The following SYNPO2L variants were observed in gnomAD, a reference collection of about 807,000 sequenced individuals.
SYNPO2L encodes the protein synaptopodin 2-like protein.
Under a neutral mutation model 47.5 loss-of-function variants are expected in SYNPO2L, and 34 were observed. The ratio of observed to expected loss-of-function variants is 0.72; its 90% confidence interval spans 0.54 to 0.95. The LOEUF is 0.95. Ranked by LOEUF, SYNPO2L falls within the 40% of genes least tolerant of loss-of-function variation. The pLI is 0.00. For synonymous variants in SYNPO2L, 536 were observed against 524.9 expected (o/e 1.02, Z -0.29); for missense variants, 1,246 against 1,282.0 (o/e 0.97, Z 0.43).
At position 73,647,054 on chromosome 10, in the gene SYNPO2L, CT is replaced by C; in HGVS notation, c.2597del (p.Glu866GlyfsTer88). 1 of 1,613,872 alleles carries C rather than the reference CT, an allele frequency of 6.2e-7. No homozygotes were observed. The highest frequency in any genetic ancestry group is 1.1e-5 in the South Asian group (1 of 91,078). On this transcript the variant is annotated frameshift_variant, in exon 4 of 4. Transcript: ENST00000394810. LOFTEE classifies it high-confidence loss of function. ...CGATAGGGCCAGGAGTCGGGGGAACCTCATCAAAACAGAACATGGCAGTTTT... is the reference window on the plus strand; with the variant it reads ...CGATAGGGCCAGGAGTCGGGGGAACCCATCAAAACAGAACATGGCAGTTTT... The part of the protein sequence containing the change: ...QLKTAMFCFD[E>X]VPPTPGPIAS...
At position 73,647,308 on chromosome 10, in the gene SYNPO2L, G is replaced by A. The variant is rs1440999710; in HGVS notation, c.2344C>T (p.Leu782Phe). 7 of 1,613,986 alleles carry A rather than the reference G, an allele frequency of 4.3e-6. No individual in the cohort carries two copies. Among genetic ancestry groups the A allele is most frequent in the Non-Finnish European group, 5.9e-6 (7 of 1,180,002 alleles). Reference sequence around the variant, plus strand: ...GAAGGACTTCTAGGCCGAGGGCCAAGACCAGGACCAGGTGTACCTTCCACC... The same window carrying A: ...GAAGGACTTCTAGGCCGAGGGCCAAAACCAGGACCAGGTGTACCTTCCACC... The part of the protein sequence containing the change: ...YVVEGTPGPG[L>F]GPRPRSPSPT... Residue 782 changes from leucine (L) to phenylalanine (F), a missense_variant, in exon 4 of 4, where the codon CTT becomes TTT. Around this residue, in one of 3 missense-constraint regions of SYNPO2L, gnomAD observed 1,037 missense variants for 1,021.5 expected, o/e 1.02. Coordinates refer to ENST00000394810, the MANE Select transcript of SYNPO2L (RefSeq NM_001114133.3).
chr10:73,646,829 GC>G lies in SYNPO2L; in HGVS notation c.2822del (p.Gly941AlafsTer13). 2 of 1,548,744 alleles carry G rather than the reference GC, an allele frequency of 1.3e-6. No individual in the cohort carries two copies. The highest frequency in any genetic ancestry group is 1.7e-6 in the Non-Finnish European group (2 of 1,150,394). The part of the protein sequence containing the change: ...SPAPPPEAPR[G>X]LGASPSSCGF... ...CGCAGGAGCTGGGAGAAGCCCCAAG[GC>G]CCCTGGGAGCCTCTGGAGGAGGGGC... On this transcript the variant is annotated frameshift_variant, in exon 4 of 4. Coordinates refer to ENST00000394810, the MANE Select transcript of SYNPO2L (RefSeq NM_001114133.3). LOFTEE classifies it high-confidence loss of function.
At position 73,647,481 on chromosome 10, in the gene SYNPO2L, G is replaced by T; in HGVS notation, c.2171C>A (p.Pro724Gln). The change falls in exon 4 of 4, where the codon CCA becomes CAA. Residue 724 changes from proline to glutamine, a missense_variant. By Grantham distance (76) the Pro-to-Gln change is moderately conservative (BLOSUM62 -1). This residue lies in a region of SYNPO2L where 1,037 missense variants were observed against 1,021.5 expected (regional missense o/e 1.02). Coordinates refer to ENST00000394810, the MANE Select transcript of SYNPO2L (RefSeq NM_001114133.3). ...PPPMTPKTPP[P>Q]VAPKPPSRGL... is the part of the protein sequence containing the mutation. ...TCGAGATGGGGGCTTAGGAGCCACT[G>T]GGGGTGGAGTCTTAGGAGTCATAGG... 1.3e-6 allele frequency: 2 copies of T among 1,593,004 alleles called. No individual in the cohort carries two copies. The highest frequency in any genetic ancestry group is 1.7e-6 in the Non-Finnish European group (2 of 1,167,274).
At chr10:73,654,091 C>T in intron 2 of SYNPO2L, 38 bp downstream of exon 2, 1 of 1,541,540 alleles carries the variant, frequency 6.5e-7, no homozygotes, top group Non-Finnish European at 8.8e-7. Flanking sequence ...CAATGGGAGC[C>T]CTGGATTAGG....
At position 73,647,557 on chromosome 10, in the gene SYNPO2L, G is replaced by T. The variant is rs764517172; in HGVS notation, c.2095C>A (p.Pro699Thr). The change falls in exon 4 of 4, where the codon CCT becomes ACT. Residue 699 changes from proline (P) to threonine (T), a missense_variant. Transcript: ENST00000394810. ...PVGARSYKTL[P>T]HVTPKTPPPM... ...GGGGGGGTCTTAGGTGTCACGTGAG[G>T]CAGGGTCTTGTAACTCCTGGCCCCT... 2 of 1,606,658 alleles carry T rather than the reference G, an allele frequency of 1.2e-6. No homozygotes were observed. The highest frequency in any genetic ancestry group is 1.7e-6 in the Non-Finnish European group (2 of 1,174,894).
Position 73,647,935 on chromosome 10 carries a change from C to T in SYNPO2L, c.1717G>A (p.Ala573Thr). ...GAAGCGGTGGAGGTCATGGCAGCTG[C>T]GCTAGGAGGAGCGGGGGGCTCTGGA... ...GAPEPPAPPS[A>T]AAMTSTASIF... The change falls in exon 4 of 4, where the codon GCA (alanine) becomes ACA (threonine). Residue 573 changes from alanine to threonine, a missense_variant. Around this residue, in one of 3 missense-constraint regions of SYNPO2L, gnomAD observed 1,037 missense variants for 1,021.5 expected, o/e 1.02. Transcript: ENST00000394810. 1.3e-6 allele frequency: 2 copies of T among 1,530,482 alleles called. No individual in the cohort carries two copies. Among genetic ancestry groups the T allele is most frequent in the Non-Finnish European group, 1.8e-6 (2 of 1,141,960 alleles). 94.8% of individuals were successfully genotyped at this position (1,530,482 alleles called of 1,614,324 possible).
Position 73,646,751 on chromosome 10 carries a change from A to C in SYNPO2L, c.2901T>G (p.Ala967=), listed in dbSNP as rs1413635452. ...GCCCTGCCCCAGGCCTCCACACATG[A>C]GCTTGCAATCCTGTTCTGGTGGCTG... ...RFSATRTGLQ[A]HVWRPGAGHQ is the part of the protein sequence containing the mutation. Residue 967 remains alanine, a synonymous_variant, in exon 4 of 4, where the codon GCT becomes GCG. Transcript: ENST00000394810. 2 of 1,507,930 alleles carry C rather than the reference A, an allele frequency of 1.3e-6. No individual in the cohort carries two copies. Among genetic ancestry groups the C allele is most frequent in the South Asian group, 1.4e-5 (1 of 72,228 alleles). 93.4% of individuals were successfully genotyped at this position (1,507,930 alleles called of 1,614,324 possible).
rs760509432 is a variant in SYNPO2L, at chr10:73,647,794, G to GGGCAGCTGGCACA, written c.1845_1857dup (p.Arg620CysfsTer46). On this transcript the variant is annotated frameshift_variant, in exon 4 of 4. Coordinates refer to ENST00000394810, the MANE Select transcript of SYNPO2L (RefSeq NM_001114133.3). LOFTEE classifies it high-confidence loss of function. Reference sequence around the variant, plus strand: ...CGGGCCTCCTGCAGGATACCCGTGCGGGCAGCTGGCACAGAGATGCGCTGC... The same window carrying GGGCAGCTGGCACA: ...CGGGCCTCCTGCAGGATACCCGTGCGGGCAGCTGGCACAGGCAGCTGGCACAGAGATGCGCTGC... The GGGCAGCTGGCACA allele has an allele frequency of 3.1e-6, 5 of 1,610,670 alleles. No homozygotes were observed. In the South Asian group the frequency reaches 4.4e-5, roughly 14 times the overall value.
rs1020409825 is a variant in SYNPO2L, at chr10:73,647,954, C to T, written c.1698G>A (p.Glu566=). ...SRPVTPGGAP[E]PPAPPSAAAM... Reference sequence around the variant, plus strand: ...CAGCTGCGCTAGGAGGAGCGGGGGGCTCTGGAGCTCCACCTGGGGTGACAG... The same window carrying T: ...CAGCTGCGCTAGGAGGAGCGGGGGGTTCTGGAGCTCCACCTGGGGTGACAG... Residue 566 remains glutamate (E), a synonymous_variant, in exon 4 of 4, where the codon GAG becomes GAA. Coordinates refer to ENST00000394810, the MANE Select transcript of SYNPO2L (RefSeq NM_001114133.3). The T allele has an allele frequency of 9.8e-6, 15 of 1,533,354 alleles. No homozygotes were observed. The highest frequency in any genetic ancestry group is 2.2e-5 in the Admixed American group (1 of 46,300). The allele number at this position is 1,533,354 out of a possible 1,614,324, so 95.0% of individuals were successfully genotyped here.
rs2081755671 is a variant in SYNPO2L at position 73,646,770 on chromosome 10, G to A, written c.2882C>T (p.Thr961Ile). 1.3e-6 allele frequency: 2 copies of A among 1,520,240 alleles called. No homozygotes were observed. The highest frequency in any genetic ancestry group is 1.8e-6 in the Non-Finnish European group (2 of 1,135,972). The allele number at this position is 1,520,240 out of a possible 1,614,324, so 94.2% of individuals were successfully genotyped here. Residue 961 changes from threonine to isoleucine, a missense_variant, in exon 4 of 4, where the codon ACC (threonine) becomes ATC (isoleucine). By Grantham distance (89) the Thr-to-Ile change is moderately conservative (BLOSUM62 -1). Transcript: ENST00000394810. Reference sequence around the variant, plus strand: ...CACATGAGCTTGCAATCCTGTTCTGGTGGCTGAAAATCGGGGCCTGGCTAC... The same window carrying A: ...CACATGAGCTTGCAATCCTGTTCTGATGGCTGAAAATCGGGGCCTGGCTAC... ...FQVARPRFSA[T>I]RTGLQAHVWR...
At chr10:73,651,419 CTG>C (rs2081840555) in intron 3 of SYNPO2L, among the ~76,000 whole-genome samples, 1 of 152,034 alleles carries the variant, frequency 6.6e-6, no homozygotes, top group African/African-American at 2.4e-5. Flanking sequence ...CCACTCCAAA[CTG>C]AGAGACACAA....
At chr10:73,650,229 C>G (rs1258010275) in intron 3 of SYNPO2L, 1 of 984,960 alleles carries the variant, frequency 1.0e-6, no homozygotes, top group Non-Finnish European at 1.2e-6. Flanking sequence ...TAATGAGCTC[C>G]TTTGTAATGA....
Position 73,646,404 on chromosome 10 carries a change from A to C in SYNPO2L, c.*314T>G. ...CATTAAAATGAGGCCCAGGGAGAAA[A>C]GCACAAATGTCAAGGAAGAGAGATC... is the stretch of plus-strand genomic sequence containing the variant. On this transcript the variant is annotated 3_prime_UTR_variant, in exon 4 of 4. Transcript: ENST00000394810. 2.8e-6 allele frequency: 3 copies of C among 1,077,000 alleles called. No individual in the cohort carries two copies. Among genetic ancestry groups the C allele is most frequent in the Non-Finnish European group, 3.4e-6 (3 of 890,484 alleles). 66.7% of individuals were successfully genotyped at this position (1,077,000 alleles called of 1,614,324 possible). A position where few individuals can be genotyped will look rare whatever the true frequency, so the allele number is the denominator to read the frequency against.
rs1291248218 is a variant in SYNPO2L at position 73,654,155 on chromosome 10, T to G, written c.231A>C (p.Gly77=). The part of the protein sequence containing the change: ...ASAMSLIDAS[G]NQLVLTVQRL... Reference sequence around the variant, plus strand: ...GCTGCACAGTGAGGACAAGCTGATTTCCTGAGGCATCGATGAGGCTCATGG... The same window carrying G: ...GCTGCACAGTGAGGACAAGCTGATTGCCTGAGGCATCGATGAGGCTCATGG... The change falls in exon 2 of 4, where the codon GGA becomes GGC. Residue 77 remains glycine, a synonymous_variant. Transcript: ENST00000394810. 2 of 1,551,614 alleles carry G rather than the reference T, an allele frequency of 1.3e-6. No individual in the cohort carries two copies. The highest frequency in any genetic ancestry group is 4.9e-5 in the East Asian group (2 of 40,912).
chr10:73,646,843 C>G lies in SYNPO2L; in HGVS notation c.2809G>C (p.Glu937Gln). The change falls in exon 4 of 4, where the codon GAG becomes CAG. Residue 937 changes from glutamate to glutamine, a missense_variant. Transcript: ENST00000394810. ...GAAGCCCCAAGGCCCCTGGGAGCCT[C>G]TGGAGGAGGGGCTGGGCTAGGAACA... ...APVPSPAPPP[E>Q]APRGLGASPS... is the part of the protein sequence containing the mutation. The G allele has an allele frequency of 6.5e-7, 1 of 1,547,694 alleles. No homozygotes were observed.
Position 73,654,248 on chromosome 10 carries a change from T to C in SYNPO2L, c.138A>G (p.Gly46=), listed in dbSNP as rs749207438. 5.8e-6 allele frequency: 9 copies of C among 1,551,426 alleles called. No homozygotes were observed. The South Asian group carries it at 1.1e-4, about 18-fold the overall frequency. ...CCAAGAGCTGGTCCCTCTCTCGGAGTCCTGCTCTGCCAGCCTGGCTCCGTC... is the reference window on the plus strand; with the variant it reads ...CCAAGAGCTGGTCCCTCTCTCGGAGCCCTGCTCTGCCAGCCTGGCTCCGTC... ...IRRRSQAGRA[G]LRERDQLLAI... Residue 46 remains glycine (G), a synonymous_variant, in exon 2 of 4, where the codon GGA becomes GGG. Transcript: ENST00000394810.
In SYNPO2L at chr10:73,648,762, A is replaced by G; in HGVS notation, c.890T>C (p.Met297Thr). The change falls in exon 4 of 4, where the codon ATG becomes ACG. Residue 297 changes from methionine to threonine, a missense_variant. Physicochemically the swap from Met to Thr is moderately conservative, Grantham distance 81. Transcript: ENST00000394810. ...APNPHSKGVLMFKKRRQRAKK... is the reference protein window; with the variant it reads ...APNPHSKGVLTFKKRRQRAKK... The stretch of plus-strand genomic sequence containing the variant: ...GGCTCTCTGCCGCCGTTTCTTAAAC[A>G]TAAGTACCCCTTTGGAGTGGGGGTT... The G allele has an allele frequency of 6.2e-7, 1 of 1,612,058 alleles. No individual in the cohort carries two copies. Among genetic ancestry groups the G allele is most frequent in the Non-Finnish European group, 8.5e-7 (1 of 1,178,720 alleles).
chr10:73,649,350 A>G (rs1368357540), intron 3 of SYNPO2L, among the ~76,000 whole-genome samples: 2 of 152,116 alleles, frequency 1.3e-5, no homozygotes, highest in Non-Finnish European at 2.9e-5. Flanking sequence ...GCTTCTCATG[A>G]AGCTTAGGAC....
intron 3 of SYNPO2L, among the ~76,000 whole-genome samples, chr10:73,652,397 G>C (rs1043666688): frequency 1.3e-5 from 2 of 151,772 alleles, no homozygotes; most frequent in Non-Finnish European, 2.9e-5. Context: ...TGCCGGGCAT[G>C]GTGGCTCACG....
Sources: gnomAD v4.1 joint callset for allele counts (sites outside exome capture counted in the v4.1 genomes callset) on GRCh38, gnomAD v4.1.1 for gene constraint, gnomAD v4.1.1 regional missense constraint, MANE v1.5 for transcripts, NCBI Gene and HGNC (gene_info 2026-07-23, HGNC 2026-07-21) for gene names.